TSHZ3: variants seen among roughly 807,000 people sequenced by gnomAD.
TSHZ3 encodes the protein teashirt zinc finger homeobox 3, also known as teashirt homolog 3.
In TSHZ3, 10 loss-of-function variants were observed where a neutral mutation model predicts 64.5. The observed-to-expected ratio is 0.16, with a 90% CI of 0.10 to 0.26. The LOEUF (loss-of-function observed/expected upper bound fraction) is 0.26, where lower values mean the gene tolerates loss of function less well. Ranked by LOEUF, TSHZ3 falls within the 10% of genes least tolerant of loss-of-function variation. The pLI is 1.00. For synonymous variants in TSHZ3, 608 were observed against 593.1 expected (o/e 1.03, Z -0.36); for missense variants, 1,242 against 1,421.7 (o/e 0.87, Z 2.03).
intron 3 of TSHZ3, among the ~76,000 whole-genome samples, chr19:31,233,629 T>A (rs571616687): frequency 6.6e-6 from 1 of 152,294 alleles, no homozygotes; most frequent in East Asian, 1.9e-4. Flanking sequence ...TAGTTAGTGC[T>A]TTTTGTGTTC....
chr19:31,307,260 A>G (rs1916326813), intron 1 of TSHZ3, among the ~76,000 whole-genome samples: 1 of 151,740 alleles, frequency 6.6e-6, no homozygotes, highest in Admixed American at 6.6e-5. Flanking sequence ...CCTGGGTAGG[A>G]AAGAGTGCCA....
In TSHZ3 at chr19:31,178,540, G is replaced by C. The variant is rs186731593; in HGVS notation, n.810-22123C>G. ...ACTAAAAATACAAAAGTAGCCGGGC[G>C]TGGTGGCACATGCCTCTAATCCCAG... is the stretch of plus-strand genomic sequence containing the variant. On this transcript the variant is annotated intron_variant and non_coding_transcript_variant, in intron 5 of 6. Coordinates refer to the TSHZ3 transcript ENST00000651361. Among the ~76,000 whole-genome samples the C allele has an allele frequency of 2.0e-3, 303 of 152,290 alleles. 3 individuals carry two copies. The highest frequency in any genetic ancestry group is 6.9e-3 in the African/African-American group (286 of 41,572).
Position 31,329,843 on chromosome 19 carries a change from T to C in TSHZ3, c.40+19337A>G, listed in dbSNP as rs1259343966. Among the ~76,000 whole-genome samples, 4 of 152,288 alleles carry C rather than the reference T, an allele frequency of 2.6e-5. No homozygotes were observed. The East Asian group carries it at 7.7e-4, about 29-fold the overall frequency. Reference sequence around the variant, plus strand: ...AATTACAAGGCCGCATAATTCTATCTTCAGTCCCATCAGCGTTGGGTCAAC... The same window carrying C: ...AATTACAAGGCCGCATAATTCTATCCTCAGTCCCATCAGCGTTGGGTCAAC... On this transcript the variant is annotated intron_variant, in intron 1 of 1. Coordinates refer to ENST00000240587, the MANE Select transcript of TSHZ3 (RefSeq NM_020856.4).
intron 5 of TSHZ3, among the ~76,000 whole-genome samples, chr19:31,188,492 G>A (rs985436823): frequency 1.3e-5 from 2 of 151,896 alleles, no homozygotes; most frequent in African/African-American, 4.8e-5. Context: ...GTTCCTTCTA[G>A]TCTTCTTTCA....
At chr19:31,188,564 A>G (rs866136300) in intron 5 of TSHZ3, among the ~76,000 whole-genome samples, 1 of 151,970 alleles carries the variant, frequency 6.6e-6, no homozygotes, top group South Asian at 2.1e-4. Flanking sequence ...GCATTTATTA[A>G]GTTCATCATA....
At chr19:31,219,978 A>T (rs1193872862) in intron 4 of TSHZ3, among the ~76,000 whole-genome samples, 2 of 150,744 alleles carry the variant, frequency 1.3e-5, no homozygotes, top group Non-Finnish European at 3.0e-5. Context: ...AATTTAATCA[A>T]TAGTCTTCAA....
intron 1 of TSHZ3, among the ~76,000 whole-genome samples, chr19:31,303,995 G>A (rs1279168634): frequency 9.5e-5 from 14 of 147,402 alleles, no homozygotes; most frequent in Admixed American, 8.8e-4. Flanking sequence ...TTTTTTTTGA[G>A]ATGGAGTCTT....
chr19:31,154,495 A>C (rs548969011), intron 6 of TSHZ3, among the ~76,000 whole-genome samples: 87 of 152,324 alleles, frequency 5.7e-4, no homozygotes, highest in African/African-American at 2.1e-3. Flanking sequence ...TGTTGTAGAA[A>C]AAAACCAGGT....
At chr19:31,311,181 G>A (rs1374601896) in intron 1 of TSHZ3, among the ~76,000 whole-genome samples, 3 of 152,214 alleles carry the variant, frequency 2.0e-5, no homozygotes, top group Non-Finnish European at 4.4e-5. Context: ...CCCTGTTTTA[G>A]ATACTCTTAT....
chr19:31,209,580 G>C (rs552389055), intron 4 of TSHZ3, among the ~76,000 whole-genome samples: 1 of 152,142 alleles, frequency 6.6e-6, no homozygotes, highest in African/African-American at 2.4e-5. Context: ...CACTGAGAAG[G>C]TGTTCAATAA....
rs200415244 is a variant in TSHZ3, at chr19:31,279,678, C to T, written c.115G>A (p.Gly39Arg). ...GLDPEEHTAD[G>R]EPSAKYMCPE... ...CACATGTACTTGGCCGAGGGCTCTCCATCTGCCGTATGCTCCTCTGGGTCT... is the reference window on the plus strand; with the variant it reads ...CACATGTACTTGGCCGAGGGCTCTCTATCTGCCGTATGCTCCTCTGGGTCT... The change falls in exon 2 of 2, where the codon GGA becomes AGA. Residue 39 changes from glycine (G) to arginine (R), a missense_variant. Physicochemically the swap from Gly to Arg is moderately radical, Grantham distance 125 (BLOSUM62 -2). Transcript: ENST00000240587. The surrounding 1 kb of genome is among the most constrained non-coding windows in gnomAD (Gnocchi z 6.4). 135 of 1,585,034 alleles carry T rather than the reference C, an allele frequency of 8.5e-5. No homozygotes were observed. Among genetic ancestry groups the T allele is most frequent in the Non-Finnish European group, 1.1e-4 (127 of 1,164,124 alleles).
intron 6 of TSHZ3, among the ~76,000 whole-genome samples, chr19:31,153,769 A>G (rs1207661841): frequency 6.6e-6 from 1 of 152,240 alleles, no homozygotes; most frequent in Non-Finnish European, 1.5e-5. Flanking sequence ...ATATGTGCTT[A>G]ATATGGTTGT....
chr19:31,261,221 G>A (rs1975979810), intron 1 of TSHZ3, among the ~76,000 whole-genome samples: 1 of 152,212 alleles, frequency 6.6e-6, no homozygotes, highest in Non-Finnish European at 1.5e-5. Context: ...GGCTGGGTCT[G>A]TGTGCCCTCT....
At chr19:31,266,751 T>G (rs1335911755) in intron 1 of TSHZ3, among the ~76,000 whole-genome samples, 1 of 152,092 alleles carries the variant, frequency 6.6e-6, no homozygotes, top group East Asian at 1.9e-4. Context: ...ATGGTAATGG[T>G]GATATTTTGC....
At position 31,203,984 on chromosome 19, in the gene TSHZ3, C is replaced by T. The variant is rs549361431; in HGVS notation, n.809+972G>A. 5.3e-5 allele frequency among the ~76,000 whole-genome samples: 8 copies of T among 152,110 alleles called. No homozygotes were observed. The East Asian group carries it at 5.8e-4, about 11-fold the overall frequency. On this transcript the variant is annotated intron_variant and non_coding_transcript_variant, in intron 5 of 6. Coordinates refer to the TSHZ3 transcript ENST00000651361. ...AGACCTCAGGAAACTTAAATCATGGCGGAAGGTGAAGGGGAAGCAAACACC... is the reference window on the plus strand; with the variant it reads ...AGACCTCAGGAAACTTAAATCATGGTGGAAGGTGAAGGGGAAGCAAACACC...
At chr19:31,339,877 C>T (rs1331915335) in intron 1 of TSHZ3, among the ~76,000 whole-genome samples, 1 of 147,016 alleles carries the variant, frequency 6.8e-6, no homozygotes, top group Non-Finnish European at 1.5e-5. Flanking sequence ...TGTCGCAACA[C>T]CGTGGGTTAT....
chr19:31,226,143 A>C (rs1013310438), intron 4 of TSHZ3, among the ~76,000 whole-genome samples: 2 of 150,954 alleles, frequency 1.3e-5, no homozygotes, highest in African/African-American at 4.9e-5. Context: ...AAAAAAAAGC[A>C]ATGTGTCCAT....
chr19:31,293,398 T>C (rs1247646489), intron 1 of TSHZ3, among the ~76,000 whole-genome samples: 4 of 152,216 alleles, frequency 2.6e-5, no homozygotes, highest in Non-Finnish European at 4.4e-5. Flanking sequence ...TTACCTTCTA[T>C]GTTTTATTGT....
At position 31,349,350 on chromosome 19, in the gene TSHZ3, G is replaced by GCC; in HGVS notation, c.-133_-132dup. ...TCAGCCTCCCCCCCGGAGAGCGGCCGCCCGCAGGATGCTGCTGCGCCCAGG... is the reference window on the plus strand; with the variant it reads ...TCAGCCTCCCCCCCGGAGAGCGGCCGCCCCCGCAGGATGCTGCTGCGCCCAGG... On this transcript the variant is annotated 5_prime_UTR_variant, in exon 1 of 2. Transcript: ENST00000240587. The GCC allele has an allele frequency of 3.7e-6, 3 of 813,214 alleles. No homozygotes were observed. Among genetic ancestry groups the GCC allele is most frequent in the Non-Finnish European group, 5.2e-6 (3 of 578,840 alleles). 50.4% of individuals were successfully genotyped at this position (813,214 alleles called of 1,614,324 possible).
Sources: allele counts gnomAD v4.1 joint callset (sites outside exome capture counted in the v4.1 genomes callset), GRCh38; gene constraint gnomAD v4.1.1; non-coding constraint Gnocchi (gnomAD v3.1); transcripts MANE v1.5; gene names NCBI Gene and HGNC (gene_info 2026-07-23, HGNC 2026-07-21).